ATP8B4: variants seen among roughly 807,000 people sequenced by gnomAD.
ATP8B4 encodes the protein probable phospholipid-transporting ATPase IM.
Under a neutral mutation model 145.6 loss-of-function variants are expected in ATP8B4, and 133 were observed. The ratio of observed to expected loss-of-function variants is 0.91; its 90% CI spans 0.79 to 1.05. The LOEUF (loss-of-function observed/expected upper bound fraction) is 1.05, where lower values mean the gene tolerates loss of function less well. Ranked by LOEUF, ATP8B4 falls within the 50% of genes least tolerant of loss-of-function variation. ATP8B4 has a pLI of 0.00. For missense variants in ATP8B4, 1,458 were observed against 1,425.2 expected (o/e 1.02, Z -0.37); for synonymous variants, 507 against 492.9 (o/e 1.03, Z -0.38).
chr15:50,141,654 G>A (rs1159173495), intron 1 of ATP8B4, among the ~76,000 whole-genome samples: 7 of 152,198 alleles, frequency 4.6e-5, no homozygotes, highest in African/African-American at 1.2e-4. Context: ...TGAAGGAGCC[G>A]CACTGTGCAT....
intron 6 of ATP8B4, among the ~76,000 whole-genome samples, chr15:50,031,226 T>C (rs899836020): frequency 6.6e-6 from 1 of 152,196 alleles, no homozygotes; most frequent in African/African-American, 2.4e-5. Flanking sequence ...TTTATTAATA[T>C]TGTTTTTTAA....
At chr15:50,077,435 C>T (rs1020586948) in intron 2 of ATP8B4, among the ~76,000 whole-genome samples, 1 of 152,092 alleles carries the variant, frequency 6.6e-6, no homozygotes, top group Non-Finnish European at 1.5e-5. Context: ...AAATAGAAAG[C>T]AGATGAGATC....
intron 1 of ATP8B4, among the ~76,000 whole-genome samples, chr15:50,152,771 G>C (rs773689341): frequency 3.3e-5 from 5 of 152,236 alleles, no homozygotes; most frequent in South Asian, 4.1e-4. Context: ...AAAGTTACAT[G>C]GATTTTTAAA....
In ATP8B4 at chr15:49,918,882, T is replaced by C. The variant is rs1240187690; in HGVS notation, c.1992A>G (p.Ser664=). 1.2e-6 allele frequency: 2 copies of C among 1,613,722 alleles called. No homozygotes were observed. The highest frequency in any genetic ancestry group is 1.1e-5 in the South Asian group (1 of 91,056). ...EGVIETVTSL[S]LANIKIWVLT... ...GGACCCAGATCTTAATATTGGCTAG[T>C]GATAAACTTGTAACTGTTTCAATAA... The change falls in exon 19 of 28, where the codon TCA becomes TCG. Residue 664 remains serine (S), a synonymous_variant. Transcript: ENST00000284509.
At chr15:49,927,981 A>G (rs2040879889) in intron 16 of ATP8B4, among the ~76,000 whole-genome samples, 1 of 152,184 alleles carries the variant, frequency 6.6e-6, no homozygotes, top group Non-Finnish European at 1.5e-5. Flanking sequence ...TGTTACGTAT[A>G]AACACTTTTT....
chr15:50,065,407 A>T (rs2053312869), intron 3 of ATP8B4, among the ~76,000 whole-genome samples: 1 of 152,222 alleles, frequency 6.6e-6, no homozygotes, highest in South Asian at 2.1e-4. Context: ...GATTCCCAGA[A>T]CCAGACCATT....
chr15:49,871,626 A>G (rs1241403748), intron 25 of ATP8B4, among the ~76,000 whole-genome samples: 1 of 152,220 alleles, frequency 6.6e-6, no homozygotes, highest in African/African-American at 2.4e-5. Context: ...GGTGGATAAC[A>G]CAACCAAATT....
At chr15:49,917,240 G>T in intron 19 of ATP8B4, 1 of 527,264 alleles carries the variant, frequency 1.9e-6, no homozygotes, top group Non-Finnish European at 3.3e-6. Context: ...TTCCCTACTT[G>T]CTAAACCCAT....
At chr15:49,938,355 C>T (rs2041899830) in intron 14 of ATP8B4, among the ~76,000 whole-genome samples, 2 of 152,100 alleles carry the variant, frequency 1.3e-5, no homozygotes, top group African/African-American at 4.8e-5. Flanking sequence ...CTGGATAAAA[C>T]AAGAGACCCA....
At chr15:50,065,167 T>A (rs1396824763) in intron 3 of ATP8B4, among the ~76,000 whole-genome samples, 2 of 152,182 alleles carry the variant, frequency 1.3e-5, no homozygotes, top group African/African-American at 4.8e-5. Flanking sequence ...GATTTAGCCA[T>A]TTTGTAATTT....
intron 1 of ATP8B4, among the ~76,000 whole-genome samples, chr15:50,129,556 G>C (rs1353522859): frequency 1.3e-5 from 2 of 151,870 alleles, no homozygotes; most frequent in Non-Finnish European, 2.9e-5. Context: ...ATTAGATTTG[G>C]GCTCCATTCT....
chr15:49,930,849 ATTT>A (rs1366209105), intron 16 of ATP8B4, among the ~76,000 whole-genome samples: 2 of 152,006 alleles, frequency 1.3e-5, no homozygotes, highest in Admixed American at 6.6e-5. Context: ...TTTGTGGTTT[ATTT>A]TTAAAATTTT....
At chr15:49,872,349 A>G (rs1259529460) in intron 25 of ATP8B4, among the ~76,000 whole-genome samples, 2 of 152,234 alleles carry the variant, frequency 1.3e-5, no homozygotes, top group East Asian at 3.9e-4. Flanking sequence ...ATAACCACTA[A>G]TTCTTTGATA....
chr15:50,148,287 A>C (rs2044304545), intron 1 of ATP8B4, among the ~76,000 whole-genome samples: 1 of 152,314 alleles, frequency 6.6e-6, no homozygotes, highest in South Asian at 2.1e-4. Flanking sequence ...GGAAACATAA[A>C]AGACATAAAT....
At chr15:49,992,161 G>A (rs1463376563) in intron 9 of ATP8B4, among the ~76,000 whole-genome samples, 1 of 152,198 alleles carries the variant, frequency 6.6e-6, no homozygotes, top group Non-Finnish European at 1.5e-5. Flanking sequence ...TTCAAGAGCT[G>A]TAAGGGTTTA....
intron 17 of ATP8B4, among the ~76,000 whole-genome samples, chr15:49,921,336 A>C (rs2040240355): frequency 6.6e-6 from 1 of 152,226 alleles, no homozygotes; most frequent in African/African-American, 2.4e-5. Context: ...GTTAGTACTA[A>C]ATTAGTCAAA....
In ATP8B4 at chr15:49,898,248, G is replaced by A. The variant is rs745762613; in HGVS notation, c.2293C>T (p.His765Tyr). The change falls in exon 22 of 28, where the codon CAT becomes TAT. Residue 765 changes from histidine to tyrosine, a missense_variant. Coordinates refer to ENST00000284509, the MANE Select transcript of ATP8B4 (RefSeq NM_024837.4). Reference sequence around the variant, plus strand: ...TTCTTGACATCACTTTCTAGGGCATGAGCCTGTATGATTAAAAATAAAATT... The same window carrying A: ...TTCTTGACATCACTTTCTAGGGCATAAGCCTGTATGATTAAAAATAAAATT... ...ALIINGHSLA[H>Y]ALESDVKNDL... 2 of 1,609,108 alleles carry A rather than the reference G, an allele frequency of 1.2e-6. No individual in the cohort carries two copies. The highest frequency in any genetic ancestry group is 1.7e-6 in the Non-Finnish European group (2 of 1,176,706).
At chr15:50,149,047 G>C (rs2044313724) in intron 1 of ATP8B4, among the ~76,000 whole-genome samples, 1 of 152,116 alleles carries the variant, frequency 6.6e-6, no homozygotes, top group African/African-American at 2.4e-5. Context: ...AAGCTTCCCA[G>C]GTGATTCTCT....
chr15:49,891,834 G>A (rs770918441), intron 23 of ATP8B4, among the ~76,000 whole-genome samples: 4 of 152,034 alleles, frequency 2.6e-5, no homozygotes, highest in Non-Finnish European at 4.4e-5. Flanking sequence ...CAACATCTTG[G>A]GCCGGGCACA....
Sources: gnomAD v4.1 joint callset for allele counts (sites outside exome capture counted in the v4.1 genomes callset) on GRCh38, gnomAD v4.1.1 for gene constraint, MANE v1.5 for transcripts, NCBI Gene and HGNC (gene_info 2026-07-23, HGNC 2026-07-21) for gene names.